TAOK3: variants seen among roughly 807,000 people sequenced by gnomAD.
TAOK3 encodes serine/threonine-protein kinase TAO3.
Under a neutral mutation model 120.4 loss-of-function variants are expected in TAOK3, and 40 were observed. The ratio of observed to expected loss-of-function variants is 0.33; its 90% CI spans 0.26 to 0.43. TAOK3 has a LOEUF of 0.43. Among genes scored for constraint, TAOK3 ranks in the 20% least tolerant of loss-of-function variants. TAOK3 has a pLI of 1.00. For synonymous variants in TAOK3, 355 were observed against 387.5 expected (o/e 0.92, Z 0.99); for missense variants, 821 against 1,112.1 (o/e 0.74, Z 3.72).
At chr12:118,232,648 A>G (rs1438286104) in intron 9 of TAOK3, among the ~76,000 whole-genome samples, 1 of 152,152 alleles carries the variant, frequency 6.6e-6, no homozygotes, top group Non-Finnish European at 1.5e-5. Flanking sequence ...TCTCACATCT[A>G]TAATCCCAGT....
intron 1 of TAOK3, among the ~76,000 whole-genome samples, chr12:118,324,961 T>C (rs2043874633): frequency 6.6e-6 from 1 of 151,982 alleles, no homozygotes; most frequent in Non-Finnish European, 1.5e-5. Flanking sequence ...TTAGCCAGGA[T>C]GGTCTCGATC....
chr12:118,158,129 G>T (rs2034965854), intron 19 of TAOK3, among the ~76,000 whole-genome samples: 2 of 152,172 alleles, frequency 1.3e-5, no homozygotes, highest in African/African-American at 4.8e-5. Flanking sequence ...CTGTCAGTTA[G>T]AAACTCCTGC....
At chr12:118,207,858 TCACACACACACACA>T (rs55978716) in intron 11 of TAOK3, among the ~76,000 whole-genome samples, 56 of 144,350 alleles carry the variant, frequency 3.9e-4, no homozygotes, top group Admixed American at 3.2e-3. Context: ...AGACTCTGTC[TCACACACACACACA>T]CACACACACA....
At chr12:118,206,550 C>A (rs1419764447) in intron 11 of TAOK3, among the ~76,000 whole-genome samples, 1 of 152,128 alleles carries the variant, frequency 6.6e-6, no homozygotes, top group African/African-American at 2.4e-5. Flanking sequence ...CCTTTGCCTT[C>A]ACATCTCTAT....
intron 11 of TAOK3, among the ~76,000 whole-genome samples, chr12:118,208,410 C>G (rs1565949587): frequency 1.9e-5 from 2 of 105,232 alleles, no homozygotes; most frequent in South Asian, 3.6e-4. Context: ...TAAAGAATGT[C>G]AAAAGAGAAA....
At chr12:118,317,343 G>C (rs1398993826) in intron 1 of TAOK3, among the ~76,000 whole-genome samples, 2 of 146,818 alleles carry the variant, frequency 1.4e-5, no homozygotes, top group African/African-American at 5.1e-5. Flanking sequence ...CTGTTGCCCA[G>C]GCTGGAGTGC....
chr12:118,365,687 C>T (rs74478560), intron 1 of TAOK3, among the ~76,000 whole-genome samples: 3,379 of 152,314 alleles, frequency 0.022, 121 homozygotes, highest in African/African-American at 0.076. Context: ...CATCTTCATA[C>T]TCTGTGCTTC....
At chr12:118,225,393 T>C (rs537274499) in intron 9 of TAOK3, among the ~76,000 whole-genome samples, 407 of 142,024 alleles carry the variant, frequency 2.9e-3, no homozygotes, top group Non-Finnish European at 4.6e-3. Context: ...GTCTTGCATG[T>C]AAAAAAAAAA....
intron 14 of TAOK3, among the ~76,000 whole-genome samples, chr12:118,185,263 G>A (rs970559766): frequency 6.6e-6 from 1 of 152,018 alleles, no homozygotes; most frequent in African/African-American, 2.4e-5. Flanking sequence ...TTTTTCTAAA[G>A]GTTCCTATAG....
intron 11 of TAOK3, among the ~76,000 whole-genome samples, chr12:118,205,897 C>T (rs779441466): frequency 1.3e-5 from 2 of 151,854 alleles, no homozygotes; most frequent in Non-Finnish European, 2.9e-5. Flanking sequence ...AGGCATGAGC[C>T]ACAGCTTTCA....
At chr12:118,221,801 A>AT (rs1343975216) in intron 9 of TAOK3, among the ~76,000 whole-genome samples, 1 of 151,206 alleles carries the variant, frequency 6.6e-6, no homozygotes. Flanking sequence ...CGCCCGGCTA[A>AT]TTTTTTGTAT....
chr12:118,255,718 A>T, intron 2 of TAOK3, 63 bp from the exon 3 acceptor site: 1 of 726,920 alleles, frequency 1.4e-6, no homozygotes, highest in Non-Finnish European at 2.2e-6. Flanking sequence ...TGGCAATACA[A>T]ATACATACAA....
At chr12:118,254,757 CT>C (rs1234826929) in intron 3 of TAOK3, among the ~76,000 whole-genome samples, 9 of 147,036 alleles carry the variant, frequency 6.1e-5, no homozygotes, top group Middle Eastern at 3.5e-3. Flanking sequence ...AAGCTCTTAA[CT>C]TTTTTTTTTT....
At chr12:118,357,939 C>G (rs2045462452) in intron 1 of TAOK3, among the ~76,000 whole-genome samples, 1 of 152,196 alleles carries the variant, frequency 6.6e-6, no homozygotes, top group Non-Finnish European at 1.5e-5. Flanking sequence ...GTAATATCCA[C>G]TGCAATGCTT....
At chr12:118,262,165 A>G (rs1187547204) in intron 2 of TAOK3, among the ~76,000 whole-genome samples, 1 of 151,318 alleles carries the variant, frequency 6.6e-6, no homozygotes, top group East Asian at 2.0e-4. Context: ...CTGGCCTGAA[A>G]TGATTATGTC....
intron 5 of TAOK3, among the ~76,000 whole-genome samples, chr12:118,242,581 C>T (rs146714971): frequency 6.6e-6 from 1 of 152,242 alleles, no homozygotes; most frequent in Non-Finnish European, 1.5e-5. Context: ...TACTAAGGGC[C>T]GAGCACAATG....
At chr12:118,275,637 T>A (rs2041876245) in intron 1 of TAOK3, among the ~76,000 whole-genome samples, 1 of 152,254 alleles carries the variant, frequency 6.6e-6, no homozygotes, top group Non-Finnish European at 1.5e-5. Flanking sequence ...TTTACTCATT[T>A]ATTCATGTAT....
At chr12:118,242,892 T>G (rs926350164) in intron 5 of TAOK3, among the ~76,000 whole-genome samples, 1 of 151,434 alleles carries the variant, frequency 6.6e-6, no homozygotes, top group Non-Finnish European at 1.5e-5. Flanking sequence ...AATATATATA[T>G]ATATATGAGT....
intron 1 of TAOK3, among the ~76,000 whole-genome samples, chr12:118,315,110 T>C (rs1566105389): frequency 1.3e-5 from 2 of 152,052 alleles, no homozygotes; most frequent in Non-Finnish European, 2.9e-5. Flanking sequence ...TTTATACTTT[T>C]AGTAGAGATG....
Sources: gnomAD v4.1 joint callset for allele counts (sites outside exome capture counted in the v4.1 genomes callset) on GRCh38, gnomAD v4.1.1 for gene constraint, MANE v1.5 for transcripts, NCBI Gene and HGNC (gene_info 2026-07-23, HGNC 2026-07-21) for gene names.